Variants in GTF2IRD1 observed in about 807,000 individuals in gnomAD.
GTF2IRD1 encodes the protein general transcription factor II-I repeat domain-containing protein 1.
GTF2IRD1 carries 26 observed loss-of-function variants against 113.2 expected under a neutral mutation model. The ratio of observed to expected loss-of-function variants is 0.23; its 90% CI spans 0.17 to 0.32. The LOEUF (loss-of-function observed/expected upper bound fraction) is 0.32, where lower values mean the gene tolerates loss of function less well. Among genes scored for constraint, GTF2IRD1 ranks in the 10% least tolerant of loss-of-function variants. The probability of loss-of-function intolerance (pLI) is 1.00; values close to 1 mark genes in which losing one functional copy is unlikely to be tolerated. For missense variants in GTF2IRD1, 864 were observed against 1,280.8 expected (o/e 0.67, Z 4.97); for synonymous variants, 484 against 529.1 (o/e 0.91, Z 1.17).
intron 8 of GTF2IRD1, among the ~76,000 whole-genome samples, chr7:74,528,710 G>T (rs1797746423): frequency 1.5e-5 from 1 of 67,094 alleles, no homozygotes; most frequent in Non-Finnish European, 2.9e-5. Context: ...AAGATGGGTG[G>T]ATGGATGGAT....
At chr7:74,515,129 T>G (rs1179671901) in intron 3 of GTF2IRD1, among the ~76,000 whole-genome samples, 4 of 148,002 alleles carry the variant, frequency 2.7e-5, no homozygotes, top group Non-Finnish European at 5.9e-5. Context: ...TGAGCTGGAA[T>G]AGCTGGCCTC....
At chr7:74,535,379 G>A (rs1009652228) in intron 10 of GTF2IRD1, among the ~76,000 whole-genome samples, 5 of 152,204 alleles carry the variant, frequency 3.3e-5, no homozygotes, top group Non-Finnish European at 5.9e-5. Flanking sequence ...AAAGCTGGAC[G>A]CTAACCGGTG....
At chr7:74,461,091 G>A (rs1793335070) in intron 1 of GTF2IRD1, among the ~76,000 whole-genome samples, 1 of 152,228 alleles carries the variant, frequency 6.6e-6, no homozygotes, top group African/African-American at 2.4e-5. Flanking sequence ...CTGGGTCCCA[G>A]TGTGGTGCTG....
At chr7:74,545,351 G>A (rs1798858541) in intron 15 of GTF2IRD1, among the ~76,000 whole-genome samples, 1 of 152,028 alleles carries the variant, frequency 6.6e-6, no homozygotes, top group Non-Finnish European at 1.5e-5. Context: ...CCTGGCAGGA[G>A]GAACCATGAA....
At chr7:74,540,068 A>G in intron 14 of GTF2IRD1, 100 bp downstream of exon 14, 6 of 808,084 alleles carry the variant, frequency 7.4e-6, no homozygotes, top group Non-Finnish European at 1.3e-5. Context: ...TCTTGGTGTC[A>G]GCCGTCTGTA....
intron 25 of GTF2IRD1, among the ~76,000 whole-genome samples, chr7:74,596,336 C>G (rs373709056): frequency 6.6e-6 from 1 of 151,588 alleles, no homozygotes; most frequent in Non-Finnish European, 1.5e-5. Flanking sequence ...TGGCACGTGC[C>G]TGTAATCCCA....
At chr7:74,546,218 C>CTTT (rs1222914895) in intron 16 of GTF2IRD1, among the ~76,000 whole-genome samples, 36 of 126,472 alleles carry the variant, frequency 2.8e-4, no homozygotes, top group African/African-American at 4.7e-4. Context: ...CCATGTTTTT[C>CTTT]TTTTTTTTTT....
At chr7:74,565,307 G>A (rs1357425490) in intron 22 of GTF2IRD1, among the ~76,000 whole-genome samples, 3 of 151,420 alleles carry the variant, frequency 2.0e-5, no homozygotes, top group Non-Finnish European at 2.9e-5. Context: ...GGTGGATCAC[G>A]TAAAGTCAGG....
chr7:74,567,968 G>T (rs1432813808), intron 22 of GTF2IRD1, among the ~76,000 whole-genome samples: 1 of 151,964 alleles, frequency 6.6e-6, no homozygotes, highest in African/African-American at 2.4e-5. Context: ...GTATTTTTTA[G>T]TAGAGATGGG....
intron 17 of GTF2IRD1, among the ~76,000 whole-genome samples, chr7:74,554,476 G>A (rs1345745344): frequency 2.6e-5 from 4 of 152,272 alleles, no homozygotes; most frequent in Admixed American, 6.5e-5. Context: ...GACGTGAGCC[G>A]TAGATCTCAG....
intron 1 of GTF2IRD1, among the ~76,000 whole-genome samples, chr7:74,501,074 T>C (rs73364451): frequency 0.078 from 11,860 of 152,218 alleles, 1,417 homozygotes; most frequent in African/African-American, 0.26. Flanking sequence ...GGGTTCTAGC[T>C]GTCCTGTAGG....
intron 4 of GTF2IRD1, among the ~76,000 whole-genome samples, chr7:74,517,138 C>T (rs1268043065): frequency 1.3e-5 from 2 of 152,074 alleles, no homozygotes; most frequent in African/African-American, 2.4e-5. Flanking sequence ...ATTCTCCTGC[C>T]TCAGCCTCCT....
Position 74,561,364 on chromosome 7 carries a change from AAG to A in GTF2IRD1, c.2320+1711_2320+1712del, listed in dbSNP as rs1252656301. Among the ~76,000 whole-genome samples the A allele has an allele frequency of 2.1e-3, 251 of 119,488 alleles. 2 individuals carry two copies. The highest frequency in any genetic ancestry group is 8.8e-3 in the East Asian group (19 of 2,160). 78.4% of individuals were successfully genotyped at this position (119,488 alleles called of 152,430 possible). ...ATTGTCTCAAAAAAAAAAAAAAAAA[AAG>A]AACTTAGGGTACAGTGATGTGGCGG... is the stretch of plus-strand genomic sequence containing the variant. On this transcript the variant is annotated intron_variant, in intron 22 of 26. Coordinates refer to ENST00000424337, the MANE Select transcript of GTF2IRD1 (RefSeq NM_005685.4).
intron 1 of GTF2IRD1, among the ~76,000 whole-genome samples, chr7:74,466,745 T>A (rs1793739450): frequency 1.3e-5 from 2 of 152,120 alleles, no homozygotes; most frequent in South Asian, 4.2e-4. Flanking sequence ...AGACTATAAT[T>A]GCCCTCGTGC....
At chr7:74,474,421 C>T (rs920613781) in intron 1 of GTF2IRD1, among the ~76,000 whole-genome samples, 1 of 152,162 alleles carries the variant, frequency 6.6e-6, no homozygotes, top group Non-Finnish European at 1.5e-5. Flanking sequence ...ATGGGAGAGC[C>T]ACTCCCATCT....
intron 1 of GTF2IRD1, among the ~76,000 whole-genome samples, chr7:74,472,004 A>G (rs1403982087): frequency 6.6e-6 from 1 of 152,180 alleles, no homozygotes; most frequent in Non-Finnish European, 1.5e-5. Flanking sequence ...CAACAAACAA[A>G]CAAACAAACA....
chr7:74,480,438 C>T (rs1306656312), intron 1 of GTF2IRD1, among the ~76,000 whole-genome samples: 3 of 152,256 alleles, frequency 2.0e-5, no homozygotes, highest in Non-Finnish European at 4.4e-5. Flanking sequence ...TGTCCGATCC[C>T]CCAGCCAAGG....
chr7:74,539,858 C>T (rs1388214572), intron 13 of GTF2IRD1, 21 bp from the exon 14 acceptor site: 1 of 1,573,202 alleles, frequency 6.4e-7, no homozygotes, highest in African/African-American at 1.3e-5. Context: ...ATACCCGTGT[C>T]ATTCGGAGTT....
chr7:74,595,314 G>T (rs1276176890), intron 25 of GTF2IRD1, among the ~76,000 whole-genome samples: 6 of 151,732 alleles, frequency 4.0e-5, no homozygotes, highest in African/African-American at 1.5e-4. Context: ...ACTGAGGCAG[G>T]AGAATTGCGT....
Sources: gnomAD v4.1 joint callset for allele counts (sites outside exome capture counted in the v4.1 genomes callset) on GRCh38, gnomAD v4.1.1 for gene constraint, MANE v1.5 for transcripts, NCBI Gene and HGNC (gene_info 2026-07-23, HGNC 2026-07-21) for gene names.